TSN: variants seen among roughly 807,000 people sequenced by gnomAD.
TSN encodes the protein translin, also known as component 3 of promoter of RISC.
A neutral mutation model predicts 29.4 loss-of-function variants in TSN; 5 were observed. The observed-to-expected ratio is 0.17, with a 90% CI of 0.09 to 0.36. TSN has a LOEUF of 0.36. TSN is among the 10% of genes least tolerant of loss of function. The pLI, the probability that TSN is intolerant of heterozygous loss-of-function variation, is 1.00. For synonymous variants in TSN, 106 were observed against 102.2 expected, an observed-to-expected ratio of 1.04 and a Z score of -0.23; for missense variants, 159 against 272.8, an observed-to-expected ratio of 0.58 and a Z score of 2.94.
intron 3 of TSN, among the ~76,000 whole-genome samples, chr2:121,760,278 A>G (rs539860537): frequency 1.3e-5 from 2 of 152,328 alleles, no homozygotes; most frequent in Non-Finnish European, 2.9e-5. Context: ...ATACCTGATG[A>G]TCTGAAGTGG....
At chr2:121,757,182 G>T (rs1177504561) in intron 1 of TSN, 58 bp from the exon 2 acceptor site, 11 of 1,489,986 alleles carry the variant, frequency 7.4e-6, no homozygotes, top group Non-Finnish European at 1.0e-5. Flanking sequence ...TGTGTTTTGT[G>T]TGAGTGTATG....
intron 4 of TSN, among the ~76,000 whole-genome samples, chr2:121,762,418 A>G (rs2074845694): frequency 6.6e-6 from 1 of 152,180 alleles, no homozygotes; most frequent in African/African-American, 2.4e-5. Context: ...ATGAGCCACC[A>G]CGCCTGGCCT....
chr2:121,764,450 C>G (rs1019900918), intron 5 of TSN, among the ~76,000 whole-genome samples: 7 of 151,760 alleles, frequency 4.6e-5, no homozygotes, highest in African/African-American at 1.7e-4. Context: ...ATATTAAAAA[C>G]AAACAAACAA....
rs569875937 is a variant in TSN, at chr2:121,767,158, T to C, written c.*1791T>C. The C allele has an allele frequency of 1.5e-4, 23 of 152,352 alleles. 1 individual carries two copies. The highest frequency in any genetic ancestry group is 5.3e-4 in the African/African-American group (22 of 41,588). 9.4% of individuals were successfully genotyped at this position (152,352 alleles called of 1,614,324 possible). ...AGTTGTGGATTTCAGTTTTAACAAATGCTATTAAAGTGGAGAAGCACACTC... is the reference window on the plus strand; with the variant it reads ...AGTTGTGGATTTCAGTTTTAACAAACGCTATTAAAGTGGAGAAGCACACTC... On this transcript the variant is annotated 3_prime_UTR_variant, in exon 6 of 6. Coordinates refer to ENST00000389682, the MANE Select transcript of TSN (RefSeq NM_004622.3).
At chr2:121,756,085 C>T (rs1032685176) in intron 1 of TSN, 3 of 808,702 alleles carry the variant, frequency 3.7e-6, no homozygotes, top group Non-Finnish European at 5.6e-6. Flanking sequence ...GTCAGTTTTC[C>T]TTCTTTTCAG....
Position 121,755,859 on chromosome 2 carries a change from C to T in TSN, c.66+14C>T, listed in dbSNP as rs748615515. The T allele has an allele frequency of 1.9e-6, 3 of 1,613,896 alleles. No individual in the cohort carries two copies. Among genetic ancestry groups the T allele is most frequent in the Non-Finnish European group, 2.5e-6 (3 of 1,180,014 alleles). On this transcript the variant is annotated intron_variant, in intron 1 of 5. Coordinates refer to ENST00000389682, the MANE Select transcript of TSN (RefSeq NM_004622.3). ...GACATCCGAGAGGCGAGCCCCCTCC[C>T]TTCCCCATTCCCTTTGCCTTTCCAT...
chr2:121,761,756 T>G (rs76601851), intron 4 of TSN, among the ~76,000 whole-genome samples: 4,463 of 152,268 alleles, frequency 0.029, 130 homozygotes, highest in South Asian at 0.098. Context: ...CCTATACACA[T>G]TCTCCCACAT....
intron 1 of TSN, chr2:121,756,408 T>G (rs2074748409): frequency 4.1e-6 from 1 of 246,328 alleles, no homozygotes; most frequent in African/African-American, 2.4e-5. Flanking sequence ...ATTTATCTCA[T>G]TGGCGTCACA....
At chr2:121,765,034 G>T in intron 5 of TSN, 100 bp from the exon 6 acceptor site, 1 of 1,033,212 alleles carries the variant, frequency 9.7e-7, no homozygotes, top group Non-Finnish European at 1.5e-6. Flanking sequence ...GATCAGCGTG[G>T]CTGTCTAGGC....
chr2:121,765,249 C>T lies in TSN; in HGVS notation c.569C>T (p.Ser190Phe). Residue 190 changes from serine (S) to phenylalanine (F), a missense_variant, in exon 6 of 6, where the codon TCC (serine) becomes TTC (phenylalanine). Coordinates refer to ENST00000389682, the MANE Select transcript of TSN (RefSeq NM_004622.3). ...GFRLLNLKND[S>F]LRKRYDGLKY... ...CGCCTTCTCAACCTGAAAAATGACT[C>T]CCTGAGGAAGCGCTACGACGGATTG... 6.2e-7 allele frequency: 1 copy of T among 1,614,190 alleles called. No individual in the cohort carries two copies. Among genetic ancestry groups the T allele is most frequent in the Non-Finnish European group, 8.5e-7 (1 of 1,180,054 alleles).
At chr2:121,763,928 C>T (rs1440897759) in intron 5 of TSN, among the ~76,000 whole-genome samples, 2 of 152,198 alleles carry the variant, frequency 1.3e-5, no homozygotes, top group Non-Finnish European at 2.9e-5. Flanking sequence ...CAGGGCTGGT[C>T]TGATGATTCC....
At position 121,755,652 on chromosome 2, in the gene TSN, G is replaced by T; in HGVS notation, c.-128G>T. The T allele has an allele frequency of 7.7e-7, 1 of 1,306,036 alleles. No homozygotes were observed. The highest frequency in any genetic ancestry group is 1.2e-5 in the South Asian group (1 of 80,902). 80.9% of individuals were successfully genotyped at this position (1,306,036 alleles called of 1,614,324 possible). On this transcript the variant is annotated 5_prime_UTR_variant, in exon 1 of 6. Coordinates refer to ENST00000389682, the MANE Select transcript of TSN (RefSeq NM_004622.3). ...CGAGCCTCGGAGGACCCTAGCGACGGTCGTGGCGTAAGACCGGGGGGACGC... is the reference window on the plus strand; with the variant it reads ...CGAGCCTCGGAGGACCCTAGCGACGTTCGTGGCGTAAGACCGGGGGGACGC...
At position 121,765,472 on chromosome 2, in the gene TSN, C is replaced by T. The variant is rs1163915228; in HGVS notation, c.*105C>T. The T allele has an allele frequency of 6.8e-6, 7 of 1,026,638 alleles. No homozygotes were observed. Among genetic ancestry groups the T allele is most frequent in the South Asian group, 1.5e-5 (1 of 65,978 alleles). 63.6% of individuals were successfully genotyped at this position (1,026,638 alleles called of 1,614,324 possible). A position where few individuals can be genotyped will look rare whatever the true frequency, so the allele number is the denominator to read the frequency against. ...TAGGATGCTCAGTTGCTAAACACTG[C>T]GCTTTATTTTCTTAACCAGTTGTGG... On this transcript the variant is annotated 3_prime_UTR_variant, in exon 6 of 6. Transcript: ENST00000389682.
In TSN at chr2:121,765,119, T is replaced by G. The variant is rs974836893; in HGVS notation, c.454-15T>G. ...CATGTTGTAACAAGCCCCTGTTTTCTCTTTCCTGGTACAGTCGAGGCTGTC... is the reference window on the plus strand; with the variant it reads ...CATGTTGTAACAAGCCCCTGTTTTCGCTTTCCTGGTACAGTCGAGGCTGTC... On this transcript the variant is annotated splice_polypyrimidine_tract_variant and intron_variant, in intron 5 of 5. Transcript: ENST00000389682. 1.2e-6 allele frequency: 2 copies of G among 1,612,802 alleles called. No homozygotes were observed. The highest frequency in any genetic ancestry group is 1.7e-6 in the Non-Finnish European group (2 of 1,179,038).
intron 3 of TSN, 70 bp from the exon 4 acceptor site, chr2:121,761,339 A>G: frequency 2.0e-6 from 2 of 1,022,444 alleles, no homozygotes; most frequent in Middle Eastern, 2.1e-4. Flanking sequence ...CCGTTTGAAC[A>G]TGGCTGTATT....
chr2:121,758,705 A>G lies in TSN; in HGVS notation c.161-5A>G, dbSNP rs2074781706. The G allele has an allele frequency of 1.3e-6, 2 of 1,561,788 alleles. No homozygotes were observed. Among genetic ancestry groups the G allele is most frequent in the African/African-American group, 2.8e-5 (2 of 72,694 alleles). On this transcript the variant is annotated splice_polypyrimidine_tract_variant and splice_region_variant and intron_variant, in intron 2 of 5. Coordinates refer to ENST00000389682, the MANE Select transcript of TSN (RefSeq NM_004622.3). Reference sequence around the variant, plus strand: ...GTTTTTCATTTGGTTATCTTTTGTGACTAGTTCCAAAGAGGTGTTTGAAAG... The same window carrying G: ...GTTTTTCATTTGGTTATCTTTTGTGGCTAGTTCCAAAGAGGTGTTTGAAAG...
intron 4 of TSN, among the ~76,000 whole-genome samples, chr2:121,762,460 A>C (rs987966207): frequency 1.3e-5 from 2 of 152,214 alleles, no homozygotes; most frequent in Non-Finnish European, 2.9e-5. Context: ...ATAGTTGGTT[A>C]GCGCAGAGGG....
Position 121,757,310 on chromosome 2 carries a change from A to G in TSN, c.137A>G (p.His46Arg). 1 of 1,614,184 alleles carries G rather than the reference A, an allele frequency of 6.2e-7. No homozygotes were observed. Among genetic ancestry groups the G allele is most frequent in the Non-Finnish European group, 8.5e-7 (1 of 1,180,012 alleles). The change falls in exon 2 of 6, where the codon CAT becomes CGT. Residue 46 changes from histidine (H) to arginine (R), a missense_variant. Transcript: ENST00000389682. ...ATTTTAACTCTACTGCAAGGGGTCC[A>G]TCAGGGTGCTGGGTTTCAGGACAGT... is the stretch of plus-strand genomic sequence containing the variant. ...REILTLLQGV[H>R]QGAGFQDIPK...
At chr2:121,758,255 G>A (rs568004712) in intron 2 of TSN, among the ~76,000 whole-genome samples, 2 of 152,280 alleles carry the variant, frequency 1.3e-5, no homozygotes, top group South Asian at 2.1e-4. Flanking sequence ...TCAGATACAA[G>A]AATGATATAA....
Sources: allele counts gnomAD v4.1 joint callset (sites outside exome capture counted in the v4.1 genomes callset), GRCh38; gene constraint gnomAD v4.1.1; transcripts MANE v1.5; gene names NCBI Gene and HGNC (gene_info 2026-07-23, HGNC 2026-07-21).